ZMYM4: variants seen among roughly 807,000 people sequenced by gnomAD.
ZMYM4 encodes the protein zinc finger MYM-type protein 4.
A neutral mutation model predicts 183.2 loss-of-function variants in ZMYM4; 31 were observed. The observed-to-expected ratio is 0.17, with a 90% CI of 0.13 to 0.23. ZMYM4 has a LOEUF of 0.23. Ranked by LOEUF, ZMYM4 falls within the 10% of genes least tolerant of loss-of-function variation. The probability of loss-of-function intolerance (pLI) is 1.00; values close to 1 mark genes in which losing one functional copy is unlikely to be tolerated. For missense variants in ZMYM4, 1,273 were observed against 1,840.3 expected, an observed-to-expected ratio of 0.69 and a Z score of 5.64; for synonymous variants, 592 against 631.2, an observed-to-expected ratio of 0.94 and a Z score of 0.93.
At chr1:35,348,877 G>C (rs1422021848) in intron 2 of ZMYM4, among the ~76,000 whole-genome samples, 1 of 152,168 alleles carries the variant, frequency 6.6e-6, no homozygotes, top group African/African-American at 2.4e-5. Flanking sequence ...GAGTGCTTTA[G>C]AAAAACTAAG....
intron 7 of ZMYM4, among the ~76,000 whole-genome samples, chr1:35,376,077 G>GAAAAAA (rs564648131): frequency 7.2e-6 from 1 of 138,418 alleles, no homozygotes. Flanking sequence ...CACTATCTTT[G>GAAAAAA]AAAAAAAAAA....
At chr1:35,382,139 C>G (rs1342923801) in intron 9 of ZMYM4, among the ~76,000 whole-genome samples, 1 of 147,444 alleles carries the variant, frequency 6.8e-6, no homozygotes, top group Non-Finnish European at 1.5e-5. Context: ...GAGTGAAACT[C>G]CGTCTCAAAA....
Position 35,331,360 on chromosome 1 carries a change from C to T in ZMYM4, c.85+5955C>T, listed in dbSNP as rs189037035. Among the ~76,000 whole-genome samples the T allele has an allele frequency of 1.2e-3, 181 of 152,242 alleles. 1 individual carries two copies. The highest frequency in any genetic ancestry group is 3.9e-3 in the African/African-American group (161 of 41,548). ...ATAGGTTCTTCTTGAATTAAACAAACTGATCAGTGATTAGTATACAATTTT... is the reference window on the plus strand; with the variant it reads ...ATAGGTTCTTCTTGAATTAAACAAATTGATCAGTGATTAGTATACAATTTT... On this transcript the variant is annotated intron_variant, in intron 2 of 29. Coordinates refer to ENST00000314607, the MANE Select transcript of ZMYM4 (RefSeq NM_005095.3).
intron 1 of ZMYM4, among the ~76,000 whole-genome samples, chr1:35,281,970 A>G (rs535463391): frequency 1.3e-5 from 2 of 152,324 alleles, no homozygotes; most frequent in South Asian, 4.1e-4. Flanking sequence ...ATCCAGTTAT[A>G]GTATGTATCA....
chr1:35,279,912 A>G (rs1302408749), intron 1 of ZMYM4, among the ~76,000 whole-genome samples: 2 of 152,214 alleles, frequency 1.3e-5, no homozygotes, highest in Admixed American at 6.5e-5. Context: ...CTCTAAGACT[A>G]CAGAAGCTTT....
chr1:35,374,472 T>C (rs1259470068), intron 7 of ZMYM4, among the ~76,000 whole-genome samples: 1 of 152,110 alleles, frequency 6.6e-6, no homozygotes, highest in Non-Finnish European at 1.5e-5. Flanking sequence ...GGATCAACAG[T>C]CTTTAAAATT....
rs1037225841 is a variant in ZMYM4 at position 35,296,983 on chromosome 1, A to G, written c.39+27898A>G. Among the ~76,000 whole-genome samples the G allele has an allele frequency of 4.7e-5, 7 of 150,016 alleles. No homozygotes were observed. The East Asian group carries it at 1.2e-3, about 26-fold the overall frequency. ...TCCTGCCTCAGCCTCCTGAGTAGCT[A>G]GGATTACAGGCGTGCGCCACCACAC... is the stretch of plus-strand genomic sequence containing the variant. On this transcript the variant is annotated intron_variant, in intron 1 of 29. Coordinates refer to ENST00000314607, the MANE Select transcript of ZMYM4 (RefSeq NM_005095.3).
chr1:35,399,871 C>A lies in ZMYM4; in HGVS notation c.3528+295C>A, dbSNP rs112030136. 17 of 269,288 alleles carry A rather than the reference C, an allele frequency of 6.3e-5. 2 individuals are homozygous for A. The highest frequency in any genetic ancestry group is 2.7e-4 in the African/African-American group (12 of 44,642). The allele number at this position is 269,288 out of a possible 1,614,324, so 16.7% of individuals were successfully genotyped here. A position where few individuals can be genotyped will look rare whatever the true frequency, so the allele number is the denominator to read the frequency against. On this transcript the variant is annotated intron_variant, in intron 23 of 29. Coordinates refer to ENST00000314607, the MANE Select transcript of ZMYM4 (RefSeq NM_005095.3). ...GTTTGAACAGCCTCTAAATTTAGCT[C>A]TTTTTACATGTTATAATACTGAGTA...
intron 2 of ZMYM4, among the ~76,000 whole-genome samples, chr1:35,352,520 C>T (rs1643666637): frequency 6.6e-6 from 1 of 152,130 alleles, no homozygotes; most frequent in East Asian, 1.9e-4. Flanking sequence ...TACTAGGATT[C>T]TCAGGTTATC....
chr1:35,396,327 T>G (rs1644807740), intron 18 of ZMYM4, among the ~76,000 whole-genome samples: 1 of 152,208 alleles, frequency 6.6e-6, no homozygotes, highest in South Asian at 2.1e-4. Context: ...TGCATTCATT[T>G]TCTCCTCACA....
chr1:35,396,691 T>C (rs201364650), intron 19 of ZMYM4, 21 bp downstream of exon 19: 13 of 1,611,008 alleles, frequency 8.1e-6, no homozygotes, highest in Non-Finnish European at 1.0e-5. Context: ...ATTTAGAGAT[T>C]AAAGCTAATA....
chr1:35,308,936 T>C (rs184688465), intron 1 of ZMYM4: 5 of 981,664 alleles, frequency 5.1e-6, no homozygotes, highest in Middle Eastern at 1.0e-3. Flanking sequence ...TAATACCAAA[T>C]AATTGACATA....
chr1:35,387,392 A>G (rs903998869), intron 12 of ZMYM4, 62 bp from the exon 13 acceptor site: 1 of 1,569,518 alleles, frequency 6.4e-7, no homozygotes, highest in Non-Finnish European at 8.6e-7. Flanking sequence ...AGTAAGGGAG[A>G]TAAGGAGTTC....
chr1:35,337,668 G>C (rs1643030451), intron 2 of ZMYM4, among the ~76,000 whole-genome samples: 1 of 152,042 alleles, frequency 6.6e-6, no homozygotes, highest in Non-Finnish European at 1.5e-5. Flanking sequence ...GATAAGGCCG[G>C]GTGTGGTGGC....
chr1:35,372,311 T>C (rs1238322733), intron 7 of ZMYM4, among the ~76,000 whole-genome samples: 1 of 152,170 alleles, frequency 6.6e-6, no homozygotes, highest in Non-Finnish European at 1.5e-5. Context: ...CAGGGCTATT[T>C]TGAGTGATAG....
At chr1:35,309,511 G>C (rs1216628927) in intron 1 of ZMYM4, among the ~76,000 whole-genome samples, 1 of 152,132 alleles carries the variant, frequency 6.6e-6, no homozygotes, top group African/African-American at 2.4e-5. Flanking sequence ...ATTTATATGT[G>C]TATAATGATT....
chr1:35,310,800 G>A (rs1641760293), intron 1 of ZMYM4, among the ~76,000 whole-genome samples: 1 of 151,786 alleles, frequency 6.6e-6, no homozygotes, highest in Non-Finnish European at 1.5e-5. Context: ...TTGGTCTCGA[G>A]CTCCTGACCT....
At chr1:35,412,388 G>A (rs1177831849) in intron 26 of ZMYM4, among the ~76,000 whole-genome samples, 2 of 152,028 alleles carry the variant, frequency 1.3e-5, no homozygotes, top group Non-Finnish European at 2.9e-5. Context: ...ATTTGAATGC[G>A]TTATATTTAT....
intron 23 of ZMYM4, among the ~76,000 whole-genome samples, chr1:35,401,920 T>C (rs1438728379): frequency 1.3e-5 from 2 of 152,206 alleles, no homozygotes; most frequent in Non-Finnish European, 1.5e-5. Flanking sequence ...TATATGTATC[T>C]ATCAGTCTGT....
Sources: gnomAD v4.1 joint callset for allele counts (sites outside exome capture counted in the v4.1 genomes callset) on GRCh38, gnomAD v4.1.1 for gene constraint, MANE v1.5 for transcripts, NCBI Gene and HGNC (gene_info 2026-07-23, HGNC 2026-07-21) for gene names.